CSMD2: variants seen among roughly 807,000 people sequenced by gnomAD.
CSMD2 encodes CUB and Sushi multiple domains 2.
A neutral mutation model predicts 398.5 loss-of-function variants in CSMD2; 130 were observed. That is an observed-to-expected ratio of 0.33 (90% CI 0.28 to 0.38). The LOEUF (loss-of-function observed/expected upper bound fraction) is 0.38, where lower values mean the gene tolerates loss of function less well. Ranked by LOEUF, CSMD2 falls within the 10% of genes least tolerant of loss-of-function variation. CSMD2 has a pLI of 1.00. For synonymous variants in CSMD2, 1,828 were observed against 1,908.5 expected (o/e 0.96, Z 1.10); for missense variants, 3,829 against 4,764.9 (o/e 0.80, Z 5.78).
chr1:33,970,453 C>T (rs547928743), intron 3 of CSMD2, among the ~76,000 whole-genome samples: 2 of 152,278 alleles, frequency 1.3e-5, no homozygotes, highest in African/African-American at 4.8e-5. Context: ...TGTGGGATCT[C>T]AAAGTGACAT....
intron 64 of CSMD2, 111 bp from the exon 65 acceptor site, chr1:33,527,369 GC>G: frequency 1.3e-6 from 1 of 781,656 alleles, no homozygotes. Flanking sequence ...TTGAGATCTT[GC>G]TTTCCCCTTA....
At chr1:34,025,263 C>T (rs1310192080) in intron 3 of CSMD2, among the ~76,000 whole-genome samples, 2 of 151,448 alleles carry the variant, frequency 1.3e-5, no homozygotes. Flanking sequence ...AGGGTTTTGT[C>T]TTTTTTTTTC....
At chr1:33,679,199 GTTTTTT>G (rs58284803) in intron 25 of CSMD2, among the ~76,000 whole-genome samples, 1 of 84,216 alleles carries the variant, frequency 1.2e-5, no homozygotes, top group African/African-American at 4.3e-5. Context: ...AATTGCAGTT[GTTTTTT>G]TTTTTTTTTT....
chr1:34,142,077 C>T (rs1266752407), intron 1 of CSMD2, among the ~76,000 whole-genome samples: 1 of 152,090 alleles, frequency 6.6e-6, no homozygotes, highest in African/African-American at 2.4e-5. Context: ...TGCTGTCTTC[C>T]CTCTTTGTGA....
rs757875457 is a variant in CSMD2 at position 33,625,007 on chromosome 1, G to C, written c.5500+44C>G. 13 of 1,586,584 alleles carry C rather than the reference G, an allele frequency of 8.2e-6. No homozygotes were observed. The East Asian group carries it at 1.1e-4, about 14-fold the overall frequency. On this transcript the variant is annotated intron_variant, in intron 34 of 70. Coordinates refer to ENST00000373381, the MANE Select transcript of CSMD2 (RefSeq NM_001281956.2). ...GCCTCCCCTACAGAGAAAGGACTAC[G>C]TGCCGCCCCCCGCACCCTCAACGCC...
intron 62 of CSMD2, among the ~76,000 whole-genome samples, chr1:33,536,511 C>T (rs1655800588): frequency 6.6e-6 from 1 of 152,272 alleles, no homozygotes; most frequent in Admixed American, 6.5e-5. Flanking sequence ...GCGTGAGCCA[C>T]CGCACCCGGC....
At chr1:33,814,546 G>A (rs911232071) in intron 9 of CSMD2, among the ~76,000 whole-genome samples, 8 of 152,102 alleles carry the variant, frequency 5.3e-5, no homozygotes, top group East Asian at 1.9e-4. Flanking sequence ...TATAGCAGGC[G>A]GGTCCTTTGT....
chr1:34,040,843 G>C (rs1651765514), intron 2 of CSMD2, among the ~76,000 whole-genome samples: 1 of 152,184 alleles, frequency 6.6e-6, no homozygotes, highest in Admixed American at 6.5e-5. Flanking sequence ...GGTATTATTA[G>C]GCTGTGTGCA....
intron 5 of CSMD2, among the ~76,000 whole-genome samples, chr1:33,848,103 T>C (rs906282118): frequency 6.6e-6 from 1 of 152,186 alleles, no homozygotes; most frequent in Non-Finnish European, 1.5e-5. Flanking sequence ...CTCTTTCACA[T>C]AGGTCCTTAT....
At chr1:34,126,843 G>A (rs1430039002) in intron 1 of CSMD2, among the ~76,000 whole-genome samples, 1 of 151,962 alleles carries the variant, frequency 6.6e-6, no homozygotes, top group Non-Finnish European at 1.5e-5. Flanking sequence ...GAGACGGGCA[G>A]GGGAGGGAAT....
chr1:34,116,805 T>C (rs570086672), intron 1 of CSMD2, among the ~76,000 whole-genome samples: 1 of 151,738 alleles, frequency 6.6e-6, no homozygotes, highest in Non-Finnish European at 1.5e-5. Flanking sequence ...TTTCCAACTA[T>C]AAAGGAATAG....
At chr1:33,884,086 T>C (rs1248325304) in intron 5 of CSMD2, among the ~76,000 whole-genome samples, 1 of 152,074 alleles carries the variant, frequency 6.6e-6, no homozygotes, top group Non-Finnish European at 1.5e-5. Context: ...ATGCTGGATG[T>C]CAGCGCAATC....
chr1:34,118,873 G>A lies in CSMD2; in HGVS notation c.188-29680C>T, dbSNP rs184749210. Among the ~76,000 whole-genome samples, 8 of 152,224 alleles carry A rather than the reference G, an allele frequency of 5.3e-5. No homozygotes were observed. The South Asian group carries it at 8.3e-4, about 16-fold the overall frequency. ...TTTTCCCAAAGTGATCTTCAGGTTC[G>A]ATGCAATCCCTATCAAAACCCCAAT... On this transcript the variant is annotated intron_variant, in intron 1 of 70. Transcript: ENST00000373381.
At position 33,533,776 on chromosome 1, in the gene CSMD2, TG is replaced by T. The variant is rs750376911; in HGVS notation, c.9991+19del. 14 of 1,517,328 alleles carry T rather than the reference TG, an allele frequency of 9.2e-6. No homozygotes were observed. The highest frequency in any genetic ancestry group is 1.3e-5 in the Non-Finnish European group (14 of 1,092,622). 94.0% of individuals were successfully genotyped at this position (1,517,328 alleles called of 1,614,324 possible). A position where few individuals can be genotyped will look rare whatever the true frequency, so the allele number is the denominator to read the frequency against. On this transcript the variant is annotated intron_variant, in intron 63 of 70. Transcript: ENST00000373381. This position sits in a 1 kb window ranked among gnomAD's most constrained non-coding sequence, Gnocchi z 4.2. Reference sequence around the variant, plus strand: ...GGGCAAGAGGAATTTTCTTGGGATGTGGGTGAAGTCTGCACTCACGGACACA... The same window carrying T: ...GGGCAAGAGGAATTTTCTTGGGATGTGGTGAAGTCTGCACTCACGGACACA...
chr1:33,624,916 C>A lies in CSMD2; in HGVS notation c.5500+135G>T. On this transcript the variant is annotated intron_variant, in intron 34 of 70. Coordinates refer to ENST00000373381, the MANE Select transcript of CSMD2 (RefSeq NM_001281956.2). The surrounding 1 kb of genome is among the most constrained non-coding windows in gnomAD (Gnocchi z 4.7). ...CGCCGGGGACTGGGGTTGACTGGGA[C>A]ACCCCACCTCAGCCATGCGGTGGGA... 3.1e-6 allele frequency: 3 copies of A among 964,808 alleles called. No individual in the cohort carries two copies. The highest frequency in any genetic ancestry group is 1.5e-5 in the South Asian group (1 of 65,120). 59.8% of individuals were successfully genotyped at this position (964,808 alleles called of 1,614,324 possible). A position where few individuals can be genotyped will look rare whatever the true frequency, so the allele number is the denominator to read the frequency against.
chr1:33,676,104 G>A (rs1218498686), intron 25 of CSMD2, among the ~76,000 whole-genome samples: 2 of 152,184 alleles, frequency 1.3e-5, no homozygotes, highest in Admixed American at 6.5e-5. Flanking sequence ...GGAAGTTCTG[G>A]CCTGGGCAAT....
chr1:33,943,778 G>C (rs1487937873), intron 3 of CSMD2, among the ~76,000 whole-genome samples: 1 of 152,026 alleles, frequency 6.6e-6, no homozygotes, highest in Non-Finnish European at 1.5e-5. Context: ...CTCCTTGAGG[G>C]GCAGGAACAG....
intron 6 of CSMD2, among the ~76,000 whole-genome samples, chr1:33,831,487 G>T (rs1242951681): frequency 1.3e-5 from 2 of 151,992 alleles, no homozygotes; most frequent in African/African-American, 4.8e-5. Flanking sequence ...CACCAGGCCT[G>T]CCCTAAAAGA....
At chr1:33,874,289 G>A (rs1640679939) in intron 5 of CSMD2, among the ~76,000 whole-genome samples, 1 of 152,144 alleles carries the variant, frequency 6.6e-6, no homozygotes, top group Admixed American at 6.5e-5. Flanking sequence ...GATGATTTGG[G>A]TACTGTTTGA....
Sources: gnomAD v4.1 joint callset for allele counts (sites outside exome capture counted in the v4.1 genomes callset) on GRCh38, gnomAD v4.1.1 for gene constraint, Gnocchi (gnomAD v3.1) non-coding constraint, MANE v1.5 for transcripts, NCBI Gene and HGNC (gene_info 2026-07-23, HGNC 2026-07-21) for gene names.